Variants in PSG5 observed in about 807,000 individuals in gnomAD.
The protein encoded by PSG5 is pregnancy specific beta-1-glycoprotein 5.
PSG5 carries 53 observed loss-of-function variants against 37.7 expected under a neutral mutation model. The observed-to-expected ratio is 1.41, with a 90% CI of 1.13 to 1.77. The LOEUF (loss-of-function observed/expected upper bound fraction) is 1.77, where lower values mean the gene tolerates loss of function less well. Among genes scored for constraint, PSG5 ranks in the 40% most tolerant of loss-of-function variants. PSG5 has a pLI of 0.00. For synonymous variants in PSG5, 221 were observed against 155.4 expected, an observed-to-expected ratio of 1.42 and a Z score of -3.14; for missense variants, 547 against 405.2, an observed-to-expected ratio of 1.35 and a Z score of -3.00.
chr19:43,171,477 A>T, intron 4 of PSG5: 1 of 211,938 alleles, frequency 4.7e-6, no homozygotes, highest in Non-Finnish European at 9.4e-6. Flanking sequence ...TGAAAGAAGA[A>T]CAAACTAAAC....
In PSG5 at chr19:43,186,432, T is replaced by C. The variant is rs770321348; in HGVS notation, c.-27A>G. The C allele has an allele frequency of 5.0e-6, 8 of 1,611,254 alleles. No individual in the cohort carries two copies. The East Asian group carries it at 1.6e-4, about 31-fold the overall frequency. On this transcript the variant is annotated 5_prime_UTR_variant, in exon 1 of 6. Transcript: ENST00000342951. ...GTCTCTGCGCCTGCGTGTTCTCCTC[T>C]GTGGAGCTGAGCCTAGGATCCAGAA... is the stretch of plus-strand genomic sequence containing the variant.
intron 2 of PSG5, chr19:43,180,316 C>G (rs995528929): frequency 6.6e-6 from 1 of 151,498 alleles, no homozygotes; most frequent in Non-Finnish European, 1.5e-5. Context: ...TACAGTGCTC[C>G]TTATGCAGAA....
intron 4 of PSG5, 68 bp downstream of exon 4, chr19:43,175,147 A>T (rs1406296404): frequency 6.2e-7 from 1 of 1,610,556 alleles, no homozygotes; most frequent in Non-Finnish European, 8.5e-7. Context: ...TGTTTTCCTA[A>T]CTCTTCTCTG....
chr19:43,168,039 A>G lies in PSG5; in HGVS notation c.*205T>C. The G allele has an allele frequency of 2.4e-6, 1 of 416,488 alleles. No individual in the cohort carries two copies. Among genetic ancestry groups the G allele is most frequent in the Non-Finnish European group, 4.4e-6 (1 of 227,198 alleles). The allele number at this position is 416,488 out of a possible 1,614,324, so 25.8% of individuals were successfully genotyped here. A position where few individuals can be genotyped will look rare whatever the true frequency, so the allele number is the denominator to read the frequency against. The stretch of plus-strand genomic sequence containing the variant: ...ATTTCATGAAGGTATCAGCCTGTTC[A>G]TTAAAATTTTGAAAGTTCTTAGTCC... On this transcript the variant is annotated 3_prime_UTR_variant, in exon 6 of 6. Transcript: ENST00000342951.
Position 43,171,185 on chromosome 19 carries a change from T to G in PSG5, c.965-1047A>C, listed in dbSNP as rs1051030926. On this transcript the variant is annotated intron_variant, in intron 4 of 5. Transcript: ENST00000342951. ...CTGGTGTCATATGGCTAGTGACAGG[T>G]GGATCTGAAATTTGATTCTAGGACT... 17 of 151,640 alleles carry G rather than the reference T, an allele frequency of 1.1e-4. 1 individual carries two copies. The highest frequency in any genetic ancestry group is 4.1e-4 in the African/African-American group (17 of 41,208). 9.4% of individuals were successfully genotyped at this position (151,640 alleles called of 1,614,324 possible).
chr19:43,173,885 GA>G (rs201682418), intron 4 of PSG5, among the ~76,000 whole-genome samples: 2 of 150,760 alleles, frequency 1.3e-5, no homozygotes, highest in African/African-American at 4.9e-5. Flanking sequence ...CCATAGAAAT[GA>G]AAAAAAATTG....
rs761996306 is a variant in PSG5 at position 43,185,190 on chromosome 19, A to T, written c.65-43T>A. ...CACCAGTCAATATTGAGACCTGTGT[A>T]TTGGGGTGAAAAGATGGAGCCCTGG... On this transcript the variant is annotated intron_variant, in intron 1 of 5. Coordinates refer to ENST00000342951, the MANE Select transcript of PSG5 (RefSeq NM_002781.4). The T allele has an allele frequency of 6.5e-6, 10 of 1,547,204 alleles. 1 individual carries two copies. The South Asian group carries it at 7.6e-5, about 12-fold the overall frequency.
At chr19:43,179,543 C>G (rs1222622681) in intron 2 of PSG5, among the ~76,000 whole-genome samples, 2 of 151,694 alleles carry the variant, frequency 1.3e-5, no homozygotes, top group Non-Finnish European at 2.9e-5. Flanking sequence ...TTACTTTGTC[C>G]CCCGAGGTAT....
rs1968872815 is a variant in PSG5, at chr19:43,170,125, T to G, written c.978A>C (p.Ile326=). ...MTVEVSAPSG[I]GRLPLLNPI is the part of the protein sequence containing the mutation. ...TTGGATTAAGGAGAGGAAGACGTCC[T>G]ATTCCTGAAGGAGCTGTCATGGAAA... Residue 326 remains isoleucine (I), a synonymous_variant, in exon 5 of 6, where the codon ATA becomes ATC. Coordinates refer to ENST00000342951, the MANE Select transcript of PSG5 (RefSeq NM_002781.4). 6.3e-7 allele frequency: 1 copy of G among 1,588,088 alleles called. No individual in the cohort carries two copies.
intron 1 of PSG5, among the ~76,000 whole-genome samples, chr19:43,185,964 T>TC (rs1966929322): frequency 6.6e-6 from 1 of 151,074 alleles, no homozygotes; most frequent in Non-Finnish European, 1.5e-5. Flanking sequence ...TCCTTTTTTT[T>TC]CTTTTTTCTT....
intron 4 of PSG5, 100 bp downstream of exon 4, chr19:43,175,115 G>A: frequency 1.2e-6 from 2 of 1,605,342 alleles, no homozygotes; most frequent in Non-Finnish European, 8.5e-7. Flanking sequence ...TGTGCCCATG[G>A]GACACAGGCT....
At position 43,179,257 on chromosome 19, in the gene PSG5, C is replaced by A. The variant is rs1428321426; in HGVS notation, c.431-3109G>T. ...TGGCATTTCCCACCTGTCAGCCCAC[C>A]CAAGTCCTTAAAAGCCCATGGCAGG... On this transcript the variant is annotated intron_variant, in intron 2 of 5. Transcript: ENST00000342951. 32 of 1,368,088 alleles carry A rather than the reference C, an allele frequency of 2.3e-5. 1 individual carries two copies. Among genetic ancestry groups the A allele is most frequent in the African/African-American group, 4.4e-5 (3 of 68,026 alleles). 84.7% of individuals were successfully genotyped at this position (1,368,088 alleles called of 1,614,324 possible). A position where few individuals can be genotyped will look rare whatever the true frequency, so the allele number is the denominator to read the frequency against.
chr19:43,172,792 G>A (rs1345019867), intron 4 of PSG5, among the ~76,000 whole-genome samples: 2 of 151,728 alleles, frequency 1.3e-5, no homozygotes, highest in South Asian at 2.1e-4. Flanking sequence ...ATATTGTTAG[G>A]AGGACAGTGC....
intron 3 of PSG5, 116 bp from the exon 4 acceptor site, chr19:43,175,585 G>C (rs73050279): frequency 0.059 from 86,293 of 1,468,310 alleles, 4,277 homozygotes; most frequent in Middle Eastern, 0.082. Flanking sequence ...AGTCCCAGCC[G>C]AACCCCCACT....
rs1256073913 is a variant in PSG5 at position 43,174,421 on chromosome 19, C to T, written c.964+794G>A. On this transcript the variant is annotated intron_variant, in intron 4 of 5. Coordinates refer to ENST00000342951, the MANE Select transcript of PSG5 (RefSeq NM_002781.4). ...CTTTTTGGCACTGCCCCTTTCCTGC[C>T]ATGCAGAGCCCCAGGGGTGAATCTC... 22 of 838,706 alleles carry T rather than the reference C, an allele frequency of 2.6e-5. 1 individual carries two copies. Among genetic ancestry groups the T allele is most frequent in the Non-Finnish European group, 2.9e-6 (2 of 697,178 alleles). 52.0% of individuals were successfully genotyped at this position (838,706 alleles called of 1,614,324 possible). A position where few individuals can be genotyped will look rare whatever the true frequency, so the allele number is the denominator to read the frequency against.
chr19:43,177,284 C>A lies in PSG5; in HGVS notation c.431-1136G>T, dbSNP rs542346134. Among the ~76,000 whole-genome samples, 78 of 151,146 alleles carry A rather than the reference C, an allele frequency of 5.2e-4. 1 individual carries two copies. Among genetic ancestry groups the A allele is most frequent in the African/African-American group, 1.6e-3 (64 of 41,030 alleles). On this transcript the variant is annotated intron_variant, in intron 2 of 5. Coordinates refer to ENST00000342951, the MANE Select transcript of PSG5 (RefSeq NM_002781.4). ...TAGAGATTGGCTGTCGAGCTTGATA[C>A]CTATAGTTCACACAGATTGAGTATT...
chr19:43,179,819 A>G (rs1409738170), intron 2 of PSG5, among the ~76,000 whole-genome samples: 2 of 151,694 alleles, frequency 1.3e-5, no homozygotes, highest in Admixed American at 1.3e-4. Context: ...CCAAGGAATG[A>G]CCTACAAAGA....
At position 43,169,162 on chromosome 19, in the gene PSG5, A is replaced by G. The variant is rs1174266295; in HGVS notation, c.*40+893T>C. Among the ~76,000 whole-genome samples the G allele has an allele frequency of 1.3e-5, 2 of 151,378 alleles. 1 individual carries two copies. Among genetic ancestry groups the G allele is most frequent in the Non-Finnish European group, 2.9e-5 (2 of 67,842 alleles). On this transcript the variant is annotated intron_variant, in intron 5 of 5. Coordinates refer to ENST00000342951, the MANE Select transcript of PSG5 (RefSeq NM_002781.4). ...TTTCTTGTGGCATTCAATTTTTTCT[A>G]TTTTGGTATCATGATTATTTTCAGG...
rs1374829482 is a variant in PSG5, at chr19:43,184,871, CG to C, written c.340del (p.Arg114GlyfsTer12). 2 of 1,612,496 alleles carry C rather than the reference CG, an allele frequency of 1.2e-6. 1 individual carries two copies. The highest frequency in any genetic ancestry group is 2.7e-5 in the African/African-American group (2 of 74,590). ...NASLLIQNVT[R>X]EDAGSYTLHI... ...TAAGGTGTAGGATCCTGCGTCTTCC[CG>C]GGTGACATTCTGGATCAGCAGGGAT... On this transcript the variant is annotated frameshift_variant, in exon 2 of 6. Coordinates refer to ENST00000342951, the MANE Select transcript of PSG5 (RefSeq NM_002781.4). LOFTEE classifies it high-confidence loss of function.
Sources: gnomAD v4.1 joint callset for allele counts (sites outside exome capture counted in the v4.1 genomes callset) on GRCh38, gnomAD v4.1.1 for gene constraint, MANE v1.5 for transcripts, NCBI Gene and HGNC (gene_info 2026-07-23, HGNC 2026-07-21) for gene names.